Variants in HSDL2 observed in about 807,000 individuals in gnomAD.
The protein encoded by HSDL2 is hydroxysteroid dehydrogenase-like protein 2.
Under a neutral mutation model 46.3 loss-of-function variants are expected in HSDL2, and 27 were observed. The observed-to-expected ratio is 0.58, with a 90% CI of 0.43 to 0.80. The LOEUF (loss-of-function observed/expected upper bound fraction) is 0.80. Ranked by LOEUF, HSDL2 falls within the 30% of genes least tolerant of loss-of-function variation. The probability of loss-of-function intolerance (pLI) is 0.00; values close to 1 mark genes in which losing one functional copy is unlikely to be tolerated. For missense variants in HSDL2, 451 were observed against 502.7 expected (o/e 0.90, Z 0.98); for synonymous variants, 153 against 163.6 (o/e 0.94, Z 0.50).
chr9:112,407,369 G>A (rs1831754513), intron 3 of HSDL2, among the ~76,000 whole-genome samples: 1 of 152,130 alleles, frequency 6.6e-6, no homozygotes, highest in Admixed American at 6.6e-5. Context: ...GGACGTAAGG[G>A]GAGAAAGCTG....
chr9:112,427,200 G>A (rs373780089), intron 6 of HSDL2, among the ~76,000 whole-genome samples: 2 of 152,212 alleles, frequency 1.3e-5, no homozygotes, highest in African/African-American at 4.8e-5. Context: ...GATTATAGGC[G>A]CCCACCGCTG....
intron 6 of HSDL2, 92 bp downstream of exon 6, chr9:112,419,050 C>T (rs764625420): frequency 7.6e-6 from 5 of 658,652 alleles, no homozygotes; most frequent in Non-Finnish European, 1.3e-5. Flanking sequence ...CTCTTGTCAT[C>T]CAGGCTGGAG....
intron 6 of HSDL2, among the ~76,000 whole-genome samples, chr9:112,425,176 C>T (rs1274387815): frequency 6.6e-6 from 1 of 151,960 alleles, no homozygotes; most frequent in African/African-American, 2.4e-5. Context: ...TGCATCCTTT[C>T]TACTACTTAA....
intron 6 of HSDL2, among the ~76,000 whole-genome samples, chr9:112,427,575 A>G (rs1832280441): frequency 6.6e-6 from 1 of 152,240 alleles, no homozygotes; most frequent in Non-Finnish European, 1.5e-5. Context: ...ATCAGGATCT[A>G]AATTGTTCCA....
chr9:112,442,294 A>G (rs1832657690), intron 8 of HSDL2, among the ~76,000 whole-genome samples: 2 of 113,212 alleles, frequency 1.8e-5, no homozygotes, highest in African/African-American at 5.5e-5. Context: ...AAAAAAAAAA[A>G]GAAGAAGTTA....
chr9:112,427,539 G>A (rs958733415), intron 6 of HSDL2, among the ~76,000 whole-genome samples: 1 of 152,092 alleles, frequency 6.6e-6, no homozygotes, highest in Non-Finnish European at 1.5e-5. Flanking sequence ...TCTCATAAAT[G>A]TTTTCTTTGC....
chr9:112,440,081 G>A (rs1047480990), intron 7 of HSDL2, among the ~76,000 whole-genome samples: 6 of 152,194 alleles, frequency 3.9e-5, no homozygotes, highest in African/African-American at 1.4e-4. Flanking sequence ...ATGGCTAATA[G>A]GTGGCAGAAC....
intron 6 of HSDL2, among the ~76,000 whole-genome samples, chr9:112,426,796 C>T (rs1048124716): frequency 3.9e-5 from 6 of 152,178 alleles, no homozygotes; most frequent in Non-Finnish European, 8.8e-5. Context: ...TACCTAGCTT[C>T]CCCTTATATA....
rs761363617 is a variant in HSDL2, at chr9:112,418,882, T to C, written c.522T>C (p.Gly174=). Residue 174 remains glycine, a synonymous_variant, in exon 6 of 11, where the codon GGT becomes GGC. Transcript: ENST00000398805. ...QHCAYTIAKY[G]MSMYVLGMAE... ...CAGCTTATACCATTGCTAAGTATGGTATGTCTATGTATGTGCTTGGAATGG... is the reference window on the plus strand; with the variant it reads ...CAGCTTATACCATTGCTAAGTATGGCATGTCTATGTATGTGCTTGGAATGG... 1.3e-6 allele frequency: 2 copies of C among 1,598,200 alleles called. No individual in the cohort carries two copies. Among genetic ancestry groups the C allele is most frequent in the Non-Finnish European group, 1.7e-6 (2 of 1,168,338 alleles).
chr9:112,391,846 A>G (rs1284452580), intron 1 of HSDL2, among the ~76,000 whole-genome samples: 1 of 150,886 alleles, frequency 6.6e-6, no homozygotes, highest in Non-Finnish European at 1.5e-5. Flanking sequence ...TGGAGGTTGC[A>G]GTGAGCTGCA....
chr9:112,470,567 G>A lies in HSDL2; in HGVS notation c.*23G>A, dbSNP rs371210724. On this transcript the variant is annotated 3_prime_UTR_variant, in exon 11 of 11. Coordinates refer to ENST00000398805, the MANE Select transcript of HSDL2 (RefSeq NM_032303.5). ...TGAAGGAAAATATAAAAAAAAAGTCGACTGCTATGCTCAAAAAGTAAAAAA... is the reference window on the plus strand; with the variant it reads ...TGAAGGAAAATATAAAAAAAAAGTCAACTGCTATGCTCAAAAAGTAAAAAA... 24 of 1,332,636 alleles carry A rather than the reference G, an allele frequency of 1.8e-5. No homozygotes were observed. The East Asian group carries it at 2.3e-4, about 13-fold the overall frequency. 82.6% of individuals were successfully genotyped at this position (1,332,636 alleles called of 1,614,324 possible).
intron 4 of HSDL2, among the ~76,000 whole-genome samples, chr9:112,412,101 G>A (rs1587939800): frequency 1.3e-5 from 2 of 152,130 alleles, no homozygotes; most frequent in African/African-American, 2.4e-5. Context: ...GTGCTGACTC[G>A]ACGCTCAAAA....
intron 6 of HSDL2, among the ~76,000 whole-genome samples, chr9:112,420,577 G>A (rs147429882): frequency 5.5e-4 from 83 of 151,946 alleles, no homozygotes; most frequent in African/African-American, 2.0e-3. Flanking sequence ...CAGCTGAGAT[G>A]GGAGGATCAC....
chr9:112,384,951 AC>A (rs1006035641), intron 1 of HSDL2, among the ~76,000 whole-genome samples: 2 of 152,076 alleles, frequency 1.3e-5, no homozygotes, highest in African/African-American at 4.8e-5. Context: ...CATAGTCATA[AC>A]TAATAGTACA....
intron 1 of HSDL2, among the ~76,000 whole-genome samples, chr9:112,399,422 C>T (rs1186352741): frequency 6.6e-5 from 10 of 152,168 alleles, no homozygotes; most frequent in Admixed American, 6.5e-4. Context: ...GATCTATGTT[C>T]AGTGGTGCAC....
At chr9:112,446,111 A>ATTTTTTTTTTTTTTTTTTTTTTTTTTTT (rs35439887) in intron 8 of HSDL2, among the ~76,000 whole-genome samples, 1 of 150,414 alleles carries the variant, frequency 6.6e-6, no homozygotes. Context: ...GCATCAGGTT[A>ATTTTTTTTTTTTTTTTTTTTTTTTTTTT]TTTTTTTTTT....
chr9:112,433,777 A>T (rs968021460), intron 6 of HSDL2: 1 of 152,402 alleles, frequency 6.6e-6, no homozygotes, highest in Non-Finnish European at 1.5e-5. Flanking sequence ...TCTTTATGTC[A>T]GCTGGAACCA....
chr9:112,389,208 A>G (rs1185776018), intron 1 of HSDL2, among the ~76,000 whole-genome samples: 2 of 151,990 alleles, frequency 1.3e-5, no homozygotes, highest in Non-Finnish European at 2.9e-5. Flanking sequence ...TTAATTTTGT[A>G]GAGACAGGGT....
intron 6 of HSDL2, among the ~76,000 whole-genome samples, chr9:112,431,076 A>T (rs113767811): frequency 0.026 from 3,926 of 150,810 alleles, 187 homozygotes; most frequent in African/African-American, 0.089. Flanking sequence ...AAAAAAATTT[A>T]AAAAAAATAA....
Sources: gnomAD v4.1 joint callset for allele counts (sites outside exome capture counted in the v4.1 genomes callset) on GRCh38, gnomAD v4.1.1 for gene constraint, MANE v1.5 for transcripts, NCBI Gene and HGNC (gene_info 2026-07-23, HGNC 2026-07-21) for gene names.